Variants in FCRL2 observed in about 807,000 individuals in gnomAD.
The protein encoded by FCRL2 is Fc receptor-like protein 2.
FCRL2 carries 48 observed loss-of-function variants against 59.8 expected under a neutral mutation model. The ratio of observed to expected loss-of-function variants is 0.80; its 90% CI spans 0.64 to 1.02. The LOEUF (loss-of-function observed/expected upper bound fraction) is 1.02, where lower values mean the gene tolerates loss of function less well. Among genes scored for constraint, FCRL2 ranks in the 50% least tolerant of loss-of-function variants. The pLI is 0.00. For synonymous variants in FCRL2, 251 were observed against 229.5 expected (o/e 1.09, Z -0.85); for missense variants, 658 against 597.3 (o/e 1.10, Z -1.06).
At chr1:157,752,597 G>A (rs1339079038) in intron 7 of FCRL2, among the ~76,000 whole-genome samples, 1 of 152,222 alleles carries the variant, frequency 6.6e-6, no homozygotes, top group Admixed American at 6.5e-5. Flanking sequence ...GACTGAGTGT[G>A]AATGGGCAGT....
intron 10 of FCRL2, 73 bp from the exon 11 acceptor site, chr1:157,746,972 A>G: frequency 6.8e-7 from 1 of 1,464,232 alleles, no homozygotes; most frequent in Non-Finnish European, 9.5e-7. Context: ...TTTATGCCCC[A>G]GGGCATAGAA....
chr1:157,772,503 C>T (rs1650098731), intron 2 of FCRL2, among the ~76,000 whole-genome samples: 1 of 152,138 alleles, frequency 6.6e-6, no homozygotes, highest in Admixed American at 6.5e-5. Flanking sequence ...GAGGAATCCA[C>T]TGGGGAGAGA....
chr1:157,760,698 G>GGAAAGAAAGAAATAAAGAAAGAAAGAAA (rs1553203602), intron 7 of FCRL2, among the ~76,000 whole-genome samples: 3 of 97,206 alleles, frequency 3.1e-5, no homozygotes, highest in East Asian at 2.9e-4. Context: ...AAAGAAAGAA[G>GGAAAGAAAGAAATAAAGAAAGAAAGAAA]GAAAGAAAGA....
At chr1:157,772,850 T>C (rs1044399291) in intron 2 of FCRL2, among the ~76,000 whole-genome samples, 15 of 152,214 alleles carry the variant, frequency 9.9e-5, no homozygotes, top group African/African-American at 2.7e-4. Flanking sequence ...CTTAAGAGGT[T>C]CCAGAGACAG....
At chr1:157,775,077 A>T (rs892468640) in intron 2 of FCRL2, among the ~76,000 whole-genome samples, 2 of 152,222 alleles carry the variant, frequency 1.3e-5, no homozygotes, top group Non-Finnish European at 2.9e-5. Context: ...ATGCATTTTT[A>T]AAAAATCAAA....
At chr1:157,767,191 C>T (rs901365135) in intron 6 of FCRL2, 40 bp downstream of exon 6, 6 of 1,578,832 alleles carry the variant, frequency 3.8e-6, no homozygotes, top group African/African-American at 1.4e-5. Flanking sequence ...GAGACACAGC[C>T]ATTGACATCA....
In FCRL2 at chr1:157,756,838, G is replaced by A. The variant is rs1648623704; in HGVS notation, c.1280-7161C>T. On this transcript the variant is annotated intron_variant, in intron 7 of 11. Coordinates refer to ENST00000361516, the MANE Select transcript of FCRL2 (RefSeq NM_030764.4). ...AATGTAATAGGAAGATAGTATGTGA[G>A]GCAATACATATATTAATTAGTTCAA... is the stretch of plus-strand genomic sequence containing the variant. Among the ~76,000 whole-genome samples, 3 of 152,142 alleles carry A rather than the reference G, an allele frequency of 2.0e-5. No individual in the cohort carries two copies. The South Asian group carries it at 6.2e-4, about 32-fold the overall frequency.
At position 157,767,290 on chromosome 1, in the gene FCRL2, CAGG is replaced by C. The variant is rs1295036468; in HGVS notation, c.1100_1102del (p.Ser367del). The stretch of plus-strand genomic sequence containing the variant: ...GGCCCCCAGGCCGTTGTTGGCCTCA[CAGG>C]AGTAGTTTCCAGAATGTTCTGCAGT... On this transcript the variant is annotated inframe_deletion, in exon 6 of 12. Coordinates refer to ENST00000361516, the MANE Select transcript of FCRL2 (RefSeq NM_030764.4). 1 of 1,614,182 alleles carries C rather than the reference CAGG, an allele frequency of 6.2e-7. No individual in the cohort carries two copies. Among genetic ancestry groups the C allele is most frequent in the African/African-American group, 1.3e-5 (1 of 75,046 alleles).
intron 1 of FCRL2, 81 bp from the exon 2 acceptor site, chr1:157,775,876 G>C: frequency 6.8e-7 from 1 of 1,465,160 alleles, no homozygotes; most frequent in Non-Finnish European, 9.3e-7. Flanking sequence ...CTGGTAAATT[G>C]CTCAAAAACT....
At chr1:157,750,321 G>A (rs1648094377) in intron 7 of FCRL2, among the ~76,000 whole-genome samples, 1 of 152,176 alleles carries the variant, frequency 6.6e-6, no homozygotes, top group Non-Finnish European at 1.5e-5. Flanking sequence ...AGGAAACAAT[G>A]CCACATAGAT....
At chr1:157,762,383 G>A (rs922581870) in intron 7 of FCRL2, among the ~76,000 whole-genome samples, 26 of 152,184 alleles carry the variant, frequency 1.7e-4, no homozygotes, top group Admixed American at 1.7e-3. Context: ...CACCTGCCTG[G>A]CCCAGCATAG....
intron 2 of FCRL2, among the ~76,000 whole-genome samples, chr1:157,770,926 T>A (rs1278077946): frequency 6.6e-6 from 1 of 152,210 alleles, no homozygotes; most frequent in Non-Finnish European, 1.5e-5. Flanking sequence ...ACGTTGAAAG[T>A]CTGAGGTCAG....
chr1:157,759,765 C>T (rs114276551), intron 7 of FCRL2, among the ~76,000 whole-genome samples: 28 of 152,176 alleles, frequency 1.8e-4, no homozygotes, highest in South Asian at 6.2e-4. Context: ...CACACCAGTC[C>T]GAATGGCTAT....
intron 10 of FCRL2, 100 bp downstream of exon 10, chr1:157,748,453 T>C (rs1206917469): frequency 6.6e-6 from 3 of 453,380 alleles, no homozygotes; most frequent in Admixed American, 8.7e-5. Context: ...AATAAATAAA[T>C]AAATAAATAA....
chr1:157,751,060 C>T lies in FCRL2; in HGVS notation c.1280-1383G>A, dbSNP rs192646101. On this transcript the variant is annotated intron_variant, in intron 7 of 11. Transcript: ENST00000361516. ...GAAGCAAGTCTTAAGCAACTGAATACGTATACAAATATATAAGAAAAAAAG... is the reference window on the plus strand; with the variant it reads ...GAAGCAAGTCTTAAGCAACTGAATATGTATACAAATATATAAGAAAAAAAG... Among the ~76,000 whole-genome samples, 19 of 151,994 alleles carry T rather than the reference C, an allele frequency of 1.3e-4. No homozygotes were observed. In the East Asian group the frequency reaches 2.5e-3, roughly 20 times the overall value.
chr1:157,763,935 C>G (rs182297658), intron 7 of FCRL2, among the ~76,000 whole-genome samples: 1 of 149,288 alleles, frequency 6.7e-6, no homozygotes, highest in East Asian at 2.0e-4. Context: ...GAGGCTGAGG[C>G]AGGAGGATGG....
At chr1:157,761,274 G>A (rs987866579) in intron 7 of FCRL2, among the ~76,000 whole-genome samples, 1 of 152,152 alleles carries the variant, frequency 6.6e-6, no homozygotes, top group African/African-American at 2.4e-5. Context: ...CTGGCTGAGT[G>A]AGCACAAAAA....
chr1:157,761,682 G>T (rs1649114295), intron 7 of FCRL2, among the ~76,000 whole-genome samples: 1 of 152,158 alleles, frequency 6.6e-6, no homozygotes, highest in South Asian at 2.1e-4. Context: ...ATATGTGGAT[G>T]ACACAATAAT....
intron 7 of FCRL2, among the ~76,000 whole-genome samples, chr1:157,757,731 T>G (rs12085839): frequency 0.018 from 2,701 of 152,264 alleles, 70 homozygotes; most frequent in African/African-American, 0.061. Flanking sequence ...GGGAGGCCGA[T>G]GCAGGTGAAT....
Sources: allele counts gnomAD v4.1 joint callset (sites outside exome capture counted in the v4.1 genomes callset), GRCh38; gene constraint gnomAD v4.1.1; transcripts MANE v1.5; gene names NCBI Gene and HGNC (gene_info 2026-07-23, HGNC 2026-07-21).